FRMD4B: variants seen among roughly 807,000 people sequenced by gnomAD.
The protein encoded by FRMD4B is FERM domain containing 4B.
In FRMD4B, 74 loss-of-function variants were observed where a neutral mutation model predicts 141.5. The observed-to-expected ratio is 0.52, with a 90% CI of 0.43 to 0.63. The LOEUF (loss-of-function observed/expected upper bound fraction) is 0.63. Ranked by LOEUF, FRMD4B falls within the 30% of genes least tolerant of loss-of-function variation. FRMD4B has a pLI of 0.00. For missense variants in FRMD4B, 1,366 were observed against 1,253.4 expected (o/e 1.09, Z -1.36); for synonymous variants, 506 against 467.9 (o/e 1.08, Z -1.05).
At chr3:69,211,641 C>G (rs868586871) in intron 11 of FRMD4B, among the ~76,000 whole-genome samples, 36 of 152,320 alleles carry the variant, frequency 2.4e-4, no homozygotes, top group African/African-American at 8.4e-4. Flanking sequence ...TTCCCTTCTT[C>G]TGGCCTGCTT....
intron 5 of FRMD4B, among the ~76,000 whole-genome samples, chr3:69,267,624 TATATATATATATAGAGAGAGAGAGAG>T (rs1559765391): frequency 0.12 from 2,096 of 17,498 alleles, 10 homozygotes; most frequent in Non-Finnish European, 0.18. Flanking sequence ...TATATATATA[TATATATATATATAGAGAGAGAGAGAG>T]AGAGAGAGAG....
intron 3 of FRMD4B, among the ~76,000 whole-genome samples, chr3:69,305,437 G>A (rs1313267067): frequency 6.6e-6 from 1 of 152,208 alleles, no homozygotes. Flanking sequence ...GGAGACTGAC[G>A]TTAAGAGAGT....
intron 2 of FRMD4B, among the ~76,000 whole-genome samples, chr3:69,427,402 A>G (rs2106824943): frequency 6.7e-6 from 1 of 150,122 alleles, no homozygotes; most frequent in African/African-American, 2.4e-5. Flanking sequence ...ATGCCTTTTA[A>G]TTCAGCATTT....
chr3:69,302,527 C>T, intron 3 of FRMD4B, 92 bp from the exon 4 acceptor site: 1 of 760,578 alleles, frequency 1.3e-6, no homozygotes, highest in African/African-American at 1.7e-5. Flanking sequence ...GAAATAGTTG[C>T]TCTCATACAC....
At chr3:69,405,924 T>C (rs1358681327) in intron 2 of FRMD4B, among the ~76,000 whole-genome samples, 1 of 152,198 alleles carries the variant, frequency 6.6e-6, no homozygotes, top group Non-Finnish European at 1.5e-5. Context: ...TTTCAAATAA[T>C]ATTTTGCATT....
At chr3:69,290,864 A>T (rs924304209) in intron 4 of FRMD4B, among the ~76,000 whole-genome samples, 15 of 152,158 alleles carry the variant, frequency 9.9e-5, no homozygotes, top group African/African-American at 3.6e-4. Flanking sequence ...CAGTGCTCTT[A>T]ACCAACATCT....
At chr3:69,506,997 T>G (rs1706607103) in intron 1 of FRMD4B, among the ~76,000 whole-genome samples, 1 of 152,142 alleles carries the variant, frequency 6.6e-6, no homozygotes, top group African/African-American at 2.4e-5. Context: ...ATCAATAAAT[T>G]TTGTTAAATT....
intron 5 of FRMD4B, among the ~76,000 whole-genome samples, chr3:69,250,416 A>G (rs985970521): frequency 1.3e-5 from 2 of 152,140 alleles, no homozygotes; most frequent in East Asian, 1.9e-4. Flanking sequence ...AAACTTCTAA[A>G]TGAAAAATTT....
chr3:69,492,625 A>T (rs897005668), intron 1 of FRMD4B, among the ~76,000 whole-genome samples: 1 of 152,066 alleles, frequency 6.6e-6, no homozygotes, highest in Admixed American at 6.5e-5. Flanking sequence ...CCCTGGAAGA[A>T]ACCATTTTGT....
chr3:69,228,139 G>A (rs924977075), intron 7 of FRMD4B, among the ~76,000 whole-genome samples: 1 of 152,194 alleles, frequency 6.6e-6, no homozygotes, highest in African/African-American at 2.4e-5. Context: ...CTTCTACTGG[G>A]TAGTTCCTAT....
intron 3 of FRMD4B, among the ~76,000 whole-genome samples, chr3:69,304,456 C>G (rs1457701473): frequency 7.2e-6 from 1 of 138,650 alleles, no homozygotes; most frequent in Non-Finnish European, 1.5e-5. Flanking sequence ...TACACTCCAG[C>G]TTGCACGACA....
At chr3:69,178,104 C>T (rs370452343) in intron 21 of FRMD4B, among the ~76,000 whole-genome samples, 4 of 152,304 alleles carry the variant, frequency 2.6e-5, no homozygotes, top group African/African-American at 4.8e-5. Flanking sequence ...TTCTGCTCCA[C>T]GCCTAGGATG....
At chr3:69,194,016 A>G in intron 16 of FRMD4B, 143 bp from the exon 17 acceptor site, 1 of 615,352 alleles carries the variant, frequency 1.6e-6, no homozygotes, top group East Asian at 2.7e-5. Context: ...CTGCATAGAC[A>G]TCCTTGTCAA....
intron 1 of FRMD4B, among the ~76,000 whole-genome samples, chr3:69,444,583 C>A (rs1705384994): frequency 6.6e-6 from 1 of 152,156 alleles, no homozygotes; most frequent in Non-Finnish European, 1.5e-5. Flanking sequence ...TTAGGTTACG[C>A]CTGACTCTCA....
intron 7 of FRMD4B, among the ~76,000 whole-genome samples, chr3:69,232,152 C>G (rs956957945): frequency 1.3e-5 from 2 of 152,178 alleles, no homozygotes; most frequent in African/African-American, 4.8e-5. Context: ...TAAATACACT[C>G]AAACTGACTG....
chr3:69,444,256 A>G (rs1705381540), intron 1 of FRMD4B, among the ~76,000 whole-genome samples: 1 of 152,184 alleles, frequency 6.6e-6, no homozygotes, highest in Admixed American at 6.5e-5. Context: ...TGTTTACTGC[A>G]ATAATGCTGT....
At chr3:69,418,846 A>AAC (rs1469050983) in intron 2 of FRMD4B, among the ~76,000 whole-genome samples, 2 of 142,396 alleles carry the variant, frequency 1.4e-5, no homozygotes, top group Admixed American at 6.9e-5. Flanking sequence ...GTGTGTGTAT[A>AAC]ACACACACAC....
chr3:69,223,932 A>G (rs1375387138), intron 8 of FRMD4B, among the ~76,000 whole-genome samples: 1 of 152,208 alleles, frequency 6.6e-6, no homozygotes, highest in Non-Finnish European at 1.5e-5. Flanking sequence ...CTTTCACTAT[A>G]TATTTGGGAA....
intron 1 of FRMD4B, among the ~76,000 whole-genome samples, chr3:69,502,031 A>G (rs1706506501): frequency 6.6e-6 from 1 of 152,196 alleles, no homozygotes; most frequent in South Asian, 2.1e-4. Context: ...GAAATATAAG[A>G]AGACACAAAC....
Sources: allele counts gnomAD v4.1 joint callset (sites outside exome capture counted in the v4.1 genomes callset), GRCh38; gene constraint gnomAD v4.1.1; transcripts MANE v1.5; gene names NCBI Gene and HGNC (gene_info 2026-07-23, HGNC 2026-07-21).